C16orf96: variants seen among roughly 807,000 people sequenced by gnomAD.
C16orf96 encodes uncharacterized protein C16orf96.
In C16orf96, 108 loss-of-function variants were observed where a neutral mutation model predicts 103.6. That is an observed-to-expected ratio of 1.04 (90% CI 0.89 to 1.22). The LOEUF (loss-of-function observed/expected upper bound fraction) is 1.22, where lower values mean the gene tolerates loss of function less well. Ranked by LOEUF, C16orf96 falls within the 50% of genes most tolerant of loss-of-function variation. The pLI, the probability that C16orf96 is intolerant of heterozygous loss-of-function variation, is 0.00. For missense variants in C16orf96, 1,586 were observed against 1,464.2 expected, an observed-to-expected ratio of 1.08 and a Z score of -1.36; for synonymous variants, 566 against 593.5, an observed-to-expected ratio of 0.95 and a Z score of 0.67.
chr16:4,540,210 G>A, the C16orf96 span, among the ~76,000 whole-genome samples: 1 of 152,216 alleles, frequency 6.6e-6, no homozygotes, highest in African/African-American at 2.4e-5. Context: ...GGACTGTGAA[G>A]GAGAGGAAGG....
At chr16:4,592,389 G>T in intron 11 of C16orf96, 22 bp downstream of exon 11, 1 of 1,551,364 alleles carries the variant, frequency 6.4e-7, no homozygotes. Flanking sequence ...CGCCCAGGGT[G>T]CCCCGGCCCT....
At chr16:4,544,939 C>A in the C16orf96 span, among the ~76,000 whole-genome samples, 1 of 152,238 alleles carries the variant, frequency 6.6e-6, no homozygotes, top group African/African-American at 2.4e-5. Context: ...ACTATGTGAC[C>A]CAGCAGTCCC....
chr16:4,542,219 G>C, the C16orf96 span, among the ~76,000 whole-genome samples: 1 of 152,238 alleles, frequency 6.6e-6, no homozygotes, highest in Admixed American at 6.5e-5. Flanking sequence ...TAAAAAATTA[G>C]CCAGCTGTGG....
chr16:4,552,892 A>C (rs146500721), upstream of C16orf96, among the ~76,000 whole-genome samples: 1,515 of 152,326 alleles, frequency 9.9e-3, 15 homozygotes, highest in Admixed American at 0.02. Flanking sequence ...TACAGTGTTA[A>C]CATTTATTTT....
the C16orf96 span, among the ~76,000 whole-genome samples, chr16:4,549,367 G>A: frequency 6.6e-6 from 1 of 151,890 alleles, no homozygotes; most frequent in African/African-American, 2.4e-5. Flanking sequence ...CAGCTGCTCG[G>A]GAGGCTGAGG....
rs189102504 is a variant in C16orf96 at position 4,575,410 on chromosome 16, G to C, written c.930G>C (p.Pro310=). 40 of 1,550,316 alleles carry C rather than the reference G, an allele frequency of 2.6e-5. 1 individual carries two copies. In the African/African-American group the frequency reaches 5.1e-4, roughly 20 times the overall value. ...LSRAQEPAQP[P]ALTPESAPGC... ...GAGCCCAGGAGCCAGCGCAGCCTCC[G>C]GCCCTCACGCCTGAGTCTGCACCTG... Residue 310 remains proline, a synonymous_variant, in exon 5 of 16, where the codon CCG becomes CCC. Coordinates refer to ENST00000444310, the MANE Select transcript of C16orf96 (RefSeq NM_001145011.2).
At chr16:4,542,664 G>A in the C16orf96 span, among the ~76,000 whole-genome samples, 1 of 152,028 alleles carries the variant, frequency 6.6e-6, no homozygotes, top group African/African-American at 2.4e-5. Flanking sequence ...TTGACATGGT[G>A]GCAGGCGCCT....
chr16:4,573,948 C>T (rs1189054214), intron 2 of C16orf96, among the ~76,000 whole-genome samples: 3 of 150,918 alleles, frequency 2.0e-5, no homozygotes, highest in Non-Finnish European at 4.4e-5. Flanking sequence ...ATTTTCCTGC[C>T]TCAGCCTCCT....
intron 7 of C16orf96, among the ~76,000 whole-genome samples, chr16:4,584,823 C>T (rs926098451): frequency 1.3e-5 from 2 of 151,718 alleles, no homozygotes; most frequent in Non-Finnish European, 2.9e-5. Flanking sequence ...CGTGAGCCAC[C>T]GTGCCCAGCC....
chr16:4,538,627 C>G, the C16orf96 span: 1 of 152,262 alleles, frequency 6.6e-6, no homozygotes, highest in Non-Finnish European at 1.5e-5. Context: ...CTGAGGAGAG[C>G]TGGCGCCCAG....
chr16:4,555,714 T>G (rs1023698871), upstream of C16orf96, among the ~76,000 whole-genome samples: 1 of 150,380 alleles, frequency 6.6e-6, no homozygotes, highest in Non-Finnish European at 1.5e-5. Context: ...TTTTTTTTTT[T>G]TGAGGCAAGG....
At chr16:4,588,701 C>CTTT (rs35941814) in intron 9 of C16orf96, among the ~76,000 whole-genome samples, 109 of 80,296 alleles carry the variant, frequency 1.4e-3, no homozygotes, top group African/African-American at 4.6e-3. Flanking sequence ...GCAGCAATGT[C>CTTT]TTTTTTTTTT....
Position 4,594,800 on chromosome 16 carries a change from G to A in C16orf96, c.3124G>A (p.Ala1042Thr), listed in dbSNP as rs1445674654. 1.3e-6 allele frequency: 2 copies of A among 1,550,022 alleles called. No homozygotes were observed. The highest frequency in any genetic ancestry group is 1.7e-6 in the Non-Finnish European group (2 of 1,146,838). The change falls in exon 14 of 16, where the codon GCA (alanine) becomes ACA (threonine). Residue 1042 changes from alanine (A) to threonine (T), a missense_variant. Physicochemically the swap from Ala to Thr is moderately conservative, Grantham distance 58 (BLOSUM62 0). Coordinates refer to ENST00000444310, the MANE Select transcript of C16orf96 (RefSeq NM_001145011.2). ...GCCCTTGGCCGTCGCAAAGGAGCTGGCAGGTGAGGGGCGTAGGGCTCCCTG... is the reference window on the plus strand; with the variant it reads ...GCCCTTGGCCGTCGCAAAGGAGCTGACAGGTGAGGGGCGTAGGGCTCCCTG... Reference protein sequence around the residue: ...AQPLAVAKELAAVKAPSPPSQ... With the variant: ...AQPLAVAKELTAVKAPSPPSQ...
the C16orf96 span, among the ~76,000 whole-genome samples, chr16:4,548,371 C>T: frequency 1.3e-5 from 2 of 152,206 alleles, no homozygotes; most frequent in African/African-American, 4.8e-5. Context: ...ACTGCAAAGC[C>T]ACCACCTCTT....
At chr16:4,583,737 A>T (rs3859157) in intron 7 of C16orf96, among the ~76,000 whole-genome samples, 1 of 151,726 alleles carries the variant, frequency 6.6e-6, no homozygotes, top group Non-Finnish European at 1.5e-5. Flanking sequence ...AGTCTGGCCA[A>T]CATGGTGAAA....
Position 4,556,733 on chromosome 16 carries a change from G to C in C16orf96, c.244G>C (p.Asp82His), listed in dbSNP as rs1390938759. 1 of 1,551,608 alleles carries C rather than the reference G, an allele frequency of 6.4e-7. No homozygotes were observed. The highest frequency in any genetic ancestry group is 8.7e-7 in the Non-Finnish European group (1 of 1,146,988). ...NPMKRLSNVF[D>H]HVVSRLDKLE... ...CATGAAGAGGCTCAGCAATGTCTTCGACCACGTGGTGAGCCGCCTCGACAA... is the reference window on the plus strand; with the variant it reads ...CATGAAGAGGCTCAGCAATGTCTTCCACCACGTGGTGAGCCGCCTCGACAA... Residue 82 changes from aspartate to histidine, a missense_variant, in exon 1 of 16, where the codon GAC (aspartate) becomes CAC (histidine). Physicochemically the swap from Asp to His is moderately conservative, Grantham distance 81. Transcript: ENST00000444310.
intron 9 of C16orf96, among the ~76,000 whole-genome samples, chr16:4,590,655 C>T (rs1897035973): frequency 1.3e-5 from 2 of 151,474 alleles, no homozygotes; most frequent in South Asian, 4.2e-4. Context: ...GAGGCTGAGG[C>T]GGGCAGATCA....
At chr16:4,548,592 G>A in the C16orf96 span, among the ~76,000 whole-genome samples, 1 of 152,224 alleles carries the variant, frequency 6.6e-6, no homozygotes, top group Non-Finnish European at 1.5e-5. Flanking sequence ...CAGGAGCTCA[G>A]CTGGGCGTGG....
In C16orf96 at chr16:4,568,660, A is replaced by G. The variant is rs1458096613; in HGVS notation, c.421-2901A>G. ...TTTTTTTTTTTTGAGACAGAGTCTC[A>G]CTCTGTCACCCAAGCTGGAGGGCAG... On this transcript the variant is annotated intron_variant, in intron 1 of 15. Coordinates refer to ENST00000444310, the MANE Select transcript of C16orf96 (RefSeq NM_001145011.2). 4.7e-5 allele frequency among the ~76,000 whole-genome samples: 6 copies of G among 126,646 alleles called. No homozygotes were observed. The East Asian group carries it at 1.4e-3, about 29-fold the overall frequency. The allele number at this position is 126,646 out of a possible 152,430, so 83.1% of individuals were successfully genotyped here. A position where few individuals can be genotyped will look rare whatever the true frequency, so the allele number is the denominator to read the frequency against.
Sources: gnomAD v4.1 joint callset for allele counts (sites outside exome capture counted in the v4.1 genomes callset) on GRCh38, gnomAD v4.1.1 for gene constraint, MANE v1.5 for transcripts, NCBI Gene and HGNC (gene_info 2026-07-23, HGNC 2026-07-21) for gene names.